The following LRP1B variants were observed in gnomAD, a reference collection of about 807,000 sequenced individuals.
The protein encoded by LRP1B is LDL receptor related protein 1B.
A neutral mutation model predicts 556.6 loss-of-function variants in LRP1B; 217 were observed. That is an observed-to-expected ratio of 0.39 (90% CI 0.35 to 0.44). LRP1B has a LOEUF of 0.44. LRP1B is among the 20% of genes least tolerant of loss of function. The probability of loss-of-function intolerance (pLI) is 1.00; values close to 1 mark genes in which losing one functional copy is unlikely to be tolerated. For missense variants in LRP1B, 5,053 were observed against 5,620.8 expected (o/e 0.90, Z 3.23); for synonymous variants, 2,047 against 1,865.8 (o/e 1.10, Z -2.50).
chr2:141,438,187 G>T (rs184055963), intron 3 of LRP1B, among the ~76,000 whole-genome samples: 48 of 152,154 alleles, frequency 3.2e-4, no homozygotes, highest in Non-Finnish European at 5.0e-4. Context: ...CAGGATAGTC[G>T]ATGCTTAAGT....
At position 140,324,051 on chromosome 2, in the gene LRP1B, T is replaced by C. The variant is rs1311283203; in HGVS notation, c.12356A>G (p.His4119Arg). The C allele has an allele frequency of 4.4e-6, 7 of 1,605,786 alleles. No homozygotes were observed. In the South Asian group the frequency reaches 5.5e-5, roughly 13 times the overall value. ...ATAATCTTCAAAGATATCGATCCTA[T>C]GTGGATGTAATAAACCTGGAATTTT... Reference protein sequence around the residue: ...VSSKQGLLHPHRIDIFEDYIY... With the variant: ...VSSKQGLLHPRRIDIFEDYIY... The change falls in exon 81 of 91, where the codon CAT becomes CGT. Residue 4119 changes from histidine (H) to arginine (R), a missense_variant. Physicochemically the swap from His to Arg is conservative, Grantham distance 29. This residue lies in a region of LRP1B where 551 missense variants were observed against 592.0 expected (regional missense o/e 0.93). Transcript: ENST00000389484.
chr2:141,742,299 TG>T (rs1406117025), intron 2 of LRP1B, among the ~76,000 whole-genome samples: 4 of 150,160 alleles, frequency 2.7e-5, no homozygotes, highest in Admixed American at 2.0e-4. Context: ...TTGCCTAGGC[TG>T]GAGTGTAGTG....
At chr2:141,561,864 A>T (rs1203474496) in intron 2 of LRP1B, among the ~76,000 whole-genome samples, 2 of 151,564 alleles carry the variant, frequency 1.3e-5, no homozygotes, top group Non-Finnish European at 2.9e-5. Context: ...AAGTCTTAAC[A>T]TTACCACGAT....
chr2:142,017,651 G>T (rs1455279052), intron 1 of LRP1B, among the ~76,000 whole-genome samples: 3 of 152,116 alleles, frequency 2.0e-5, no homozygotes, highest in African/African-American at 2.4e-5. Context: ...AAGGGAGAAG[G>T]ATCACTTGTG....
At position 142,115,672 on chromosome 2, in the gene LRP1B, TAATATATATATAATATATATGTAA is replaced by T. The variant is rs1707215309; in HGVS notation, c.82+14952_82+14975del. 2.8e-4 allele frequency among the ~76,000 whole-genome samples: 2 copies of T among 7,084 alleles called. 1 individual carries two copies. Among genetic ancestry groups the T allele is most frequent in the Non-Finnish European group, 5.0e-4 (2 of 3,978 alleles). The allele number at this position is 7,084 out of a possible 152,430, so 4.6% of individuals were successfully genotyped here. ...ATATATTATATGTAATATATATATGTAATATATATATAATATATATGTAATATATATATAATATATATGTAATAT... is the reference window on the plus strand; with the variant it reads ...ATATATTATATGTAATATATATATGTTATATATATAATATATATGTAATAT... On this transcript the variant is annotated intron_variant, in intron 1 of 90. Transcript: ENST00000389484.
At chr2:141,778,750 C>G (rs1325267768) in intron 2 of LRP1B, among the ~76,000 whole-genome samples, 1 of 152,204 alleles carries the variant, frequency 6.6e-6, no homozygotes, top group Non-Finnish European at 1.5e-5. Flanking sequence ...GCTCTAGCAG[C>G]CTTTGAGATA....
At position 141,477,164 on chromosome 2, in the gene LRP1B, C is replaced by CA. The variant is rs1682743330; in HGVS notation, c.343+3231dup. ...AACAAAAAAAACCCCAAAAAACAAACAAACAAAAAAACCACATCCATTTTT... is the reference window on the plus strand; with the variant it reads ...AACAAAAAAAACCCCAAAAAACAAACAAAACAAAAAAACCACATCCATTTTT... On this transcript the variant is annotated intron_variant, in intron 3 of 90. Coordinates refer to ENST00000389484, the MANE Select transcript of LRP1B (RefSeq NM_018557.3). 3.7e-5 allele frequency among the ~76,000 whole-genome samples: 4 copies of CA among 109,200 alleles called. No individual in the cohort carries two copies. In the South Asian group the frequency reaches 8.7e-4, roughly 24 times the overall value. 71.6% of individuals were successfully genotyped at this position (109,200 alleles called of 152,430 possible).
chr2:141,016,491 G>A (rs1363774459), intron 12 of LRP1B, among the ~76,000 whole-genome samples: 1 of 151,988 alleles, frequency 6.6e-6, no homozygotes, highest in African/African-American at 2.4e-5. Flanking sequence ...AATCATCTAT[G>A]TTTTATTGCT....
intron 43 of LRP1B, among the ~76,000 whole-genome samples, chr2:140,595,981 T>A (rs996378960): frequency 1.3e-5 from 2 of 152,176 alleles, no homozygotes; most frequent in African/African-American, 4.8e-5. Flanking sequence ...CTGAAATGAA[T>A]AATAAGCATT....
intron 5 of LRP1B, among the ~76,000 whole-genome samples, chr2:141,232,522 G>A (rs1683509988): frequency 2.0e-5 from 3 of 152,276 alleles, no homozygotes; most frequent in East Asian, 1.9e-4. Flanking sequence ...ATAAAGGAGC[G>A]CTGAGATTCC....
intron 3 of LRP1B, among the ~76,000 whole-genome samples, chr2:141,353,649 T>A (rs756273717): frequency 6.6e-6 from 1 of 151,952 alleles, no homozygotes; most frequent in Non-Finnish European, 1.5e-5. Flanking sequence ...TAAGTTACCA[T>A]AAAACAGTAT....
intron 7 of LRP1B, among the ~76,000 whole-genome samples, chr2:141,162,774 T>TAA (rs1558903046): frequency 3.9e-5 from 6 of 152,108 alleles, no homozygotes; most frequent in African/African-American, 1.2e-4. Flanking sequence ...CATAGATAGT[T>TAA]TATCAGTGAA....
chr2:141,075,981 A>AT (rs761799422), intron 7 of LRP1B, among the ~76,000 whole-genome samples: 1 of 152,210 alleles, frequency 6.6e-6, no homozygotes, highest in Non-Finnish European at 1.5e-5. Flanking sequence ...AAATCATAGG[A>AT]TTATACAGAT....
intron 2 of LRP1B, among the ~76,000 whole-genome samples, chr2:141,571,209 C>A (rs1686516062): frequency 6.6e-6 from 1 of 150,970 alleles, no homozygotes; most frequent in Admixed American, 6.6e-5. Context: ...GAGCAGTCAC[C>A]CACATTTGCT....
intron 14 of LRP1B, among the ~76,000 whole-genome samples, chr2:141,008,266 A>G (rs1697638052): frequency 6.6e-6 from 1 of 151,402 alleles, no homozygotes; most frequent in African/African-American, 2.4e-5. Flanking sequence ...CATATACATT[A>G]TATTTTATTC....
rs117685961 is a variant in LRP1B at position 142,034,903 on chromosome 2, A to G, written c.82+95745T>C. Among the ~76,000 whole-genome samples the G allele has an allele frequency of 6.7e-4, 101 of 151,864 alleles. 2 individuals carry two copies. In the East Asian group the frequency reaches 0.019, roughly 29 times the overall value. On this transcript the variant is annotated intron_variant, in intron 1 of 90. Transcript: ENST00000389484. ...TTATCAGATTTCTATTTAAAATACA[A>G]CACGTTTGTAAAGTTATAAAACTAT...
intron 87 of LRP1B, among the ~76,000 whole-genome samples, chr2:140,244,269 T>A (rs191292464): frequency 1.2e-4 from 18 of 151,248 alleles, no homozygotes; most frequent in Non-Finnish European, 2.2e-4. Flanking sequence ...TAAAACATAA[T>A]GGATGATACA....
At chr2:141,369,201 A>G (rs1487598623) in intron 3 of LRP1B, among the ~76,000 whole-genome samples, 2 of 152,184 alleles carry the variant, frequency 1.3e-5, no homozygotes, top group Non-Finnish European at 2.9e-5. Context: ...AAATATATTT[A>G]AGATCTTAAG....
chr2:141,797,179 A>ATAAC (rs1695849800), intron 2 of LRP1B, among the ~76,000 whole-genome samples: 1 of 135,216 alleles, frequency 7.4e-6, no homozygotes, highest in African/African-American at 2.8e-5. Flanking sequence ...ATATATATAT[A>ATAAC]TATATATAAC....
Sources: gnomAD v4.1 joint callset for allele counts (sites outside exome capture counted in the v4.1 genomes callset) on GRCh38, gnomAD v4.1.1 for gene constraint, gnomAD v4.1.1 regional missense constraint, MANE v1.5 for transcripts, NCBI Gene and HGNC (gene_info 2026-07-23, HGNC 2026-07-21) for gene names.